The following CHRM2 variants were observed in gnomAD, a reference collection of about 807,000 sequenced individuals.
CHRM2 encodes muscarinic acetylcholine receptor M2.
CHRM2 carries 8 observed loss-of-function variants against 25.0 expected under a neutral mutation model. The ratio of observed to expected loss-of-function variants is 0.32; its 90% CI spans 0.19 to 0.58. The LOEUF is 0.58. Ranked by LOEUF, CHRM2 falls within the 20% of genes least tolerant of loss-of-function variation. The pLI, the probability that CHRM2 is intolerant of heterozygous loss-of-function variation, is 0.88. For synonymous variants in CHRM2, 202 were observed against 205.7 expected (o/e 0.98, Z 0.15); for missense variants, 440 against 567.1 (o/e 0.78, Z 2.28).
rs1203282181 is a variant in CHRM2 at position 136,918,177 on chromosome 7, T to A, written c.-125+48759T>A. Among the ~76,000 whole-genome samples, 5 of 152,104 alleles carry A rather than the reference T, an allele frequency of 3.3e-5. No homozygotes were observed. The South Asian group carries it at 1.0e-3, about 32-fold the overall frequency. On this transcript the variant is annotated intron_variant, in intron 2 of 3. Coordinates refer to ENST00000680005, the MANE Select transcript of CHRM2 (RefSeq NM_001006630.2). ...CACTGAAACTCGGTGCTGTTCACTT[T>A]AAAGTTTTAGGTGCCTTGGAAGGGT... is the stretch of plus-strand genomic sequence containing the variant.
intron 2 of CHRM2, among the ~76,000 whole-genome samples, chr7:136,981,978 G>A (rs1049566302): frequency 1.3e-5 from 2 of 152,154 alleles, no homozygotes; most frequent in African/African-American, 4.8e-5. Context: ...TTGGTCCAGA[G>A]CTGAGTTCAA....
intron 3 of CHRM2, among the ~76,000 whole-genome samples, chr7:137,004,110 A>G (rs1246933914): frequency 1.3e-5 from 2 of 152,164 alleles, no homozygotes; most frequent in Non-Finnish European, 2.9e-5. Flanking sequence ...GAAAAACCAC[A>G]CTGCCTAGAA....
intron 2 of CHRM2, among the ~76,000 whole-genome samples, chr7:136,984,760 C>T (rs1563107739): frequency 6.6e-6 from 1 of 151,914 alleles, no homozygotes; most frequent in African/African-American, 2.4e-5. Context: ...TTCTGCTTGC[C>T]CTCCATGGGC....
At position 136,965,408 on chromosome 7, in the gene CHRM2, A is replaced by G. The variant is rs149772060; in HGVS notation, c.-124-26779A>G. 9.2e-3 allele frequency among the ~76,000 whole-genome samples: 1,399 copies of G among 152,246 alleles called. 15 individuals are homozygous for G. The highest frequency in any genetic ancestry group is 0.031 in the African/African-American group (1,306 of 41,578). On this transcript the variant is annotated intron_variant, in intron 2 of 3. Coordinates refer to ENST00000680005, the MANE Select transcript of CHRM2 (RefSeq NM_001006630.2). ...TATTATGGATTTATTTCTCATGGAC[A>G]AGAGCAAATTAATTGGTGAAATTAA...
chr7:136,889,260 T>G (rs1187130231), intron 2 of CHRM2, among the ~76,000 whole-genome samples: 4 of 152,098 alleles, frequency 2.6e-5, no homozygotes, highest in African/African-American at 9.7e-5. Flanking sequence ...TGGCTGGTGC[T>G]TGGTGAGTGG....
At chr7:136,889,774 AT>A (rs1306983043) in intron 2 of CHRM2, among the ~76,000 whole-genome samples, 5 of 152,180 alleles carry the variant, frequency 3.3e-5, no homozygotes, top group Non-Finnish European at 7.3e-5. Context: ...AACTCTATTC[AT>A]TTGGTTTGTT....
chr7:136,881,282 G>A (rs1181733191), intron 2 of CHRM2, among the ~76,000 whole-genome samples: 1 of 151,380 alleles, frequency 6.6e-6, no homozygotes, highest in Non-Finnish European at 1.5e-5. Flanking sequence ...CACCTGGTGT[G>A]TAAATTCAAA....
chr7:136,910,989 T>G (rs1463396514), intron 2 of CHRM2, among the ~76,000 whole-genome samples: 3 of 151,904 alleles, frequency 2.0e-5, no homozygotes, highest in Non-Finnish European at 4.4e-5. Context: ...ACATTTCATG[T>G]TTTTTGTCAC....
chr7:136,970,421 A>G (rs1801685428), intron 2 of CHRM2, among the ~76,000 whole-genome samples: 1 of 152,166 alleles, frequency 6.6e-6, no homozygotes, highest in Admixed American at 6.5e-5. Context: ...ACCCATCTTT[A>G]GCTTATTACA....
intron 2 of CHRM2, among the ~76,000 whole-genome samples, chr7:136,916,622 T>C (rs17411561): frequency 0.22 from 33,549 of 150,862 alleles, 4,866 homozygotes; most frequent in Non-Finnish European, 0.32. Context: ...TTATCTCTTT[T>C]ATCCTTGAAT....
chr7:136,927,710 G>A (rs572768386), intron 2 of CHRM2, among the ~76,000 whole-genome samples: 8 of 152,158 alleles, frequency 5.3e-5, no homozygotes, highest in Admixed American at 2.6e-4. Flanking sequence ...GTTTGAGATC[G>A]GTGTGGAAAT....
chr7:136,916,143 T>C (rs9656476), intron 2 of CHRM2, among the ~76,000 whole-genome samples: 2,655 of 106,512 alleles, frequency 0.025, 81 homozygotes, highest in African/African-American at 0.066. Context: ...GTTCTAACTT[T>C]CCTATATTTT....
intron 2 of CHRM2, among the ~76,000 whole-genome samples, chr7:136,967,633 T>C (rs1801499385): frequency 6.6e-6 from 1 of 152,072 alleles, no homozygotes; most frequent in South Asian, 2.1e-4. Flanking sequence ...TAATTTTATT[T>C]GGATCTAGAA....
intron 2 of CHRM2, among the ~76,000 whole-genome samples, chr7:136,954,972 C>T (rs1476883722): frequency 6.6e-6 from 1 of 152,186 alleles, no homozygotes; most frequent in Non-Finnish European, 1.5e-5. Flanking sequence ...GAATCCCCTC[C>T]TCTTCCCACT....
chr7:136,884,847 A>G (rs1257987816), intron 2 of CHRM2, among the ~76,000 whole-genome samples: 1 of 152,226 alleles, frequency 6.6e-6, no homozygotes, highest in Non-Finnish European at 1.5e-5. Context: ...GCCAGACAAT[A>G]AAGCAGCTCA....
chr7:136,903,203 C>T (rs1797331959), intron 2 of CHRM2: 1 of 534,294 alleles, frequency 1.9e-6, no homozygotes, highest in Non-Finnish European at 3.8e-6. Context: ...CATTGTTCGA[C>T]ACCATGGATC....
intron 2 of CHRM2, chr7:136,898,847 TAGTG>T (rs1270520383): frequency 3.3e-5 from 5 of 152,010 alleles, no homozygotes; most frequent in African/African-American, 4.8e-5. Context: ...ATGGATGAAA[TAGTG>T]AGAGATTTCA....
At chr7:137,007,607 T>G (rs1211968439) in intron 3 of CHRM2, among the ~76,000 whole-genome samples, 1 of 152,114 alleles carries the variant, frequency 6.6e-6, no homozygotes, top group African/African-American at 2.4e-5. Context: ...AGTGGAAATT[T>G]ACTTCATTTT....
chr7:136,937,948 A>G lies in CHRM2; in HGVS notation c.-124-54239A>G, dbSNP rs531391109. ...TGGTTGGTCCTAATTGAGGGTTTGT[A>G]TCAGAAAAAAAGAGCAATGAAGCCT... is the stretch of plus-strand genomic sequence containing the variant. On this transcript the variant is annotated intron_variant, in intron 2 of 3. Transcript: ENST00000680005. Among the ~76,000 whole-genome samples the G allele has an allele frequency of 1.5e-4, 23 of 152,286 alleles. 1 individual carries two copies. The highest frequency in any genetic ancestry group is 2.0e-4 in the Admixed American group (3 of 15,294).
Sources: gnomAD v4.1 joint callset for allele counts (sites outside exome capture counted in the v4.1 genomes callset) on GRCh38, gnomAD v4.1.1 for gene constraint, MANE v1.5 for transcripts, NCBI Gene and HGNC (gene_info 2026-07-23, HGNC 2026-07-21) for gene names.